PDE10A: variants seen among roughly 807,000 people sequenced by gnomAD.
PDE10A encodes phosphodiesterase 10A.
In PDE10A, 39 loss-of-function variants were observed where a neutral mutation model predicts 97.7. The ratio of observed to expected loss-of-function variants is 0.40; its 90% CI spans 0.31 to 0.52. The LOEUF is 0.52. PDE10A is among the 20% of genes least tolerant of loss of function. PDE10A has a pLI of 0.56. For synonymous variants in PDE10A, 371 were observed against 376.8 expected, an observed-to-expected ratio of 0.98 and a Z score of 0.18; for missense variants, 731 against 1,047.8, an observed-to-expected ratio of 0.70 and a Z score of 4.17.
intron 1 of PDE10A, among the ~76,000 whole-genome samples, chr6:165,641,138 T>C (rs1393178281): frequency 6.6e-6 from 1 of 152,152 alleles, no homozygotes; most frequent in Admixed American, 6.5e-5. Context: ...ATGGCCAGGC[T>C]TTCTGAGCAG....
At chr6:165,959,091 A>G (rs1212855837) in intron 1 of PDE10A, among the ~76,000 whole-genome samples, 1 of 152,198 alleles carries the variant, frequency 6.6e-6, no homozygotes, top group Non-Finnish European at 1.5e-5. Flanking sequence ...TTCCTTCTGA[A>G]CATAGCAGAG....
At chr6:165,677,566 C>T (rs1003059750) in intron 1 of PDE10A, among the ~76,000 whole-genome samples, 1 of 152,180 alleles carries the variant, frequency 6.6e-6, no homozygotes, top group Admixed American at 6.5e-5. Flanking sequence ...ATAGCGTTTA[C>T]ATCGTATTAG....
chr6:165,834,195 C>T (rs1010100401), intron 1 of PDE10A, among the ~76,000 whole-genome samples: 1 of 152,196 alleles, frequency 6.6e-6, no homozygotes, highest in Non-Finnish European at 1.5e-5. Flanking sequence ...GACTCCTCAA[C>T]CAGTTGGGGC....
In PDE10A at chr6:165,503,003, AC is replaced by A. The variant is rs543150791; in HGVS notation, c.995-20661del. 1.2e-4 allele frequency among the ~76,000 whole-genome samples: 19 copies of A among 152,324 alleles called. No individual in the cohort carries two copies. In the South Asian group the frequency reaches 3.9e-3, roughly 32 times the overall value. Reference sequence around the variant, plus strand: ...ATCAGATTTATTGTATGTAAATTATACCTCAATAAAGCTGATTAAACAAAGA... The same window carrying A: ...ATCAGATTTATTGTATGTAAATTATACTCAATAAAGCTGATTAAACAAAGA... On this transcript the variant is annotated intron_variant, in intron 2 of 21. Coordinates refer to ENST00000539869, the MANE Select transcript of PDE10A (RefSeq NM_001385079.1).
At chr6:165,693,959 CT>C (rs1240403591) in intron 1 of PDE10A, among the ~76,000 whole-genome samples, 4 of 152,106 alleles carry the variant, frequency 2.6e-5, no homozygotes, top group Non-Finnish European at 4.4e-5. Flanking sequence ...AACTTATTTT[CT>C]TTTTATAAAA....
intron 1 of PDE10A, among the ~76,000 whole-genome samples, chr6:165,896,665 C>T (rs1781958048): frequency 6.6e-6 from 1 of 151,906 alleles, no homozygotes. Context: ...GCTGAGACTA[C>T]AGGCGCCCAC....
intron 2 of PDE10A, among the ~76,000 whole-genome samples, chr6:165,509,345 T>G (rs1781381548): frequency 6.6e-6 from 1 of 152,042 alleles, no homozygotes; most frequent in African/African-American, 2.4e-5. Context: ...GGTTGTCCTT[T>G]CCCCAACGTA....
chr6:165,490,148 T>C (rs1354611850), intron 2 of PDE10A, among the ~76,000 whole-genome samples: 1 of 152,172 alleles, frequency 6.6e-6, no homozygotes, highest in African/African-American at 2.4e-5. Context: ...AGTCATCGGA[T>C]TATCTACAGT....
Position 165,450,295 on chromosome 6 carries a change from G to A in PDE10A, c.1091C>T (p.Thr364Ile). The A allele has an allele frequency of 6.2e-7, 1 of 1,601,300 alleles. No homozygotes were observed. The highest frequency in any genetic ancestry group is 8.6e-7 in the Non-Finnish European group (1 of 1,169,476). ...GAGGAGTAGCTGGTTGTCTCCTCCTGTGTCCAACCGTTGTTCTATATAGCT... is the reference window on the plus strand; with the variant it reads ...GAGGAGTAGCTGGTTGTCTCCTCCTATGTCCAACCGTTGTTCTATATAGCT... ...LNSYIEQRLDTGGDNQLLLYE... is the reference protein window; with the variant it reads ...LNSYIEQRLDIGGDNQLLLYE... Residue 364 changes from threonine to isoleucine, a missense_variant, in exon 4 of 22, where the codon ACA (threonine) becomes ATA (isoleucine). Physicochemically the swap from Thr to Ile is moderately conservative, Grantham distance 89. Around this residue, in one of 8 missense-constraint regions of PDE10A, gnomAD observed 152 missense variants for 199.3 expected, o/e 0.76. Transcript: ENST00000539869.
At chr6:165,651,137 C>A (rs1378420335) in intron 1 of PDE10A, among the ~76,000 whole-genome samples, 3 of 152,222 alleles carry the variant, frequency 2.0e-5, no homozygotes, top group African/African-American at 7.2e-5. Flanking sequence ...CCTGCCTCCT[C>A]GTGGACTTGC....
intron 1 of PDE10A, among the ~76,000 whole-genome samples, chr6:165,866,715 A>G (rs1384901961): frequency 2.0e-5 from 3 of 151,806 alleles, no homozygotes; most frequent in Non-Finnish European, 2.9e-5. Context: ...AATATAAGAG[A>G]ATCTCCATTG....
At chr6:165,839,473 TTGAC>T (rs1202365244) in intron 1 of PDE10A, among the ~76,000 whole-genome samples, 1 of 152,238 alleles carries the variant, frequency 6.6e-6, no homozygotes, top group Non-Finnish European at 1.5e-5. Flanking sequence ...TCCCAATAGA[TTGAC>T]TGACCACACA....
chr6:165,984,703 A>AT (rs5881672), intron 1 of PDE10A, among the ~76,000 whole-genome samples: 10 of 151,464 alleles, frequency 6.6e-5, no homozygotes, highest in East Asian at 5.8e-4. Flanking sequence ...ACCAAATGCC[A>AT]TTTTTTTTTT....
intron 1 of PDE10A, among the ~76,000 whole-genome samples, chr6:165,978,890 A>C (rs1044596610): frequency 4.6e-5 from 7 of 152,232 alleles, no homozygotes; most frequent in African/African-American, 1.7e-4. Flanking sequence ...ATAACTCTGA[A>C]GTACTTCAGC....
At chr6:165,567,999 T>TTTTC (rs1210825741) in intron 1 of PDE10A, among the ~76,000 whole-genome samples, 2 of 140,062 alleles carry the variant, frequency 1.4e-5, no homozygotes, top group African/African-American at 5.3e-5. Flanking sequence ...AAGGCATTTT[T>TTTTC]TTTTTTTTTT....
chr6:165,475,517 T>C lies in PDE10A; in HGVS notation c.1023+6798A>G, dbSNP rs546899571. 2.8e-4 allele frequency among the ~76,000 whole-genome samples: 43 copies of C among 152,332 alleles called. 1 individual carries two copies. In the South Asian group the frequency reaches 2.9e-3, roughly 10 times the overall value. On this transcript the variant is annotated intron_variant, in intron 3 of 21. Transcript: ENST00000539869. ...AAGACAATTTGGCTGGACATACCAG[T>C]GAAGCCAACTTGAAAACATTCACTA...
At chr6:165,531,057 T>C (rs371718819) in intron 2 of PDE10A, among the ~76,000 whole-genome samples, 4 of 152,016 alleles carry the variant, frequency 2.6e-5, no homozygotes, top group African/African-American at 9.7e-5. Context: ...TTCCTTCCTC[T>C]CCCTTCTATT....
At chr6:165,969,041 T>C (rs1325520370) in intron 1 of PDE10A, among the ~76,000 whole-genome samples, 1 of 152,200 alleles carries the variant, frequency 6.6e-6, no homozygotes, top group Non-Finnish European at 1.5e-5. Context: ...TCCCATAAAG[T>C]CTTCATCATT....
chr6:165,758,712 G>A (rs887752006), intron 1 of PDE10A, among the ~76,000 whole-genome samples: 3 of 151,076 alleles, frequency 2.0e-5, no homozygotes, highest in South Asian at 4.2e-4. Flanking sequence ...GGAGGAGGGG[G>A]AGGAGGATGA....
Sources: gnomAD v4.1 joint callset for allele counts (sites outside exome capture counted in the v4.1 genomes callset) on GRCh38, gnomAD v4.1.1 for gene constraint, gnomAD v4.1.1 regional missense constraint, MANE v1.5 for transcripts, NCBI Gene and HGNC (gene_info 2026-07-23, HGNC 2026-07-21) for gene names.